The following HIVEP2 variants were observed in gnomAD, a reference collection of about 807,000 sequenced individuals.
HIVEP2 encodes transcription factor HIVEP2.
In HIVEP2, 14 loss-of-function variants were observed where a neutral mutation model predicts 180.7. The ratio of observed to expected loss-of-function variants is 0.08; its 90% CI spans 0.05 to 0.12. The LOEUF is 0.12. HIVEP2 is among the 10% of genes least tolerant of loss of function. The pLI, the probability that HIVEP2 is intolerant of heterozygous loss-of-function variation, is 1.00. For synonymous variants in HIVEP2, 1,184 were observed against 1,136.4 expected, an observed-to-expected ratio of 1.04 and a Z score of -0.84; for missense variants, 2,579 against 3,008.5, an observed-to-expected ratio of 0.86 and a Z score of 3.34.
chr6:142,915,834 C>G (rs1215425788), intron 1 of HIVEP2, among the ~76,000 whole-genome samples: 1 of 152,190 alleles, frequency 6.6e-6, no homozygotes, highest in Non-Finnish European at 1.5e-5. Context: ...ACCCCTTCCT[C>G]CAGACTCCTA....
At chr6:142,924,450 AC>A (rs1186219372) in intron 1 of HIVEP2, among the ~76,000 whole-genome samples, 1 of 152,174 alleles carries the variant, frequency 6.6e-6, no homozygotes, top group Non-Finnish European at 1.5e-5. Context: ...ACAGTAGACA[AC>A]CAATTCTTTC....
chr6:142,796,871 G>T (rs1246949775), intron 2 of HIVEP2, among the ~76,000 whole-genome samples: 2 of 152,144 alleles, frequency 1.3e-5, no homozygotes, highest in African/African-American at 2.4e-5. Context: ...GTGGATGCTT[G>T]CAACACTTGA....
At chr6:142,859,615 T>C (rs76246286) in intron 1 of HIVEP2, among the ~76,000 whole-genome samples, 26,975 of 151,670 alleles carry the variant, frequency 0.18, 2,581 homozygotes, top group South Asian at 0.22. Context: ...GGGTGGATCA[T>C]CTGAGGTCAG....
intron 1 of HIVEP2, among the ~76,000 whole-genome samples, chr6:142,899,057 G>C (rs73777822): frequency 7.8e-4 from 118 of 152,240 alleles, no homozygotes; most frequent in African/African-American, 2.8e-3. Flanking sequence ...TTGCCTGCAG[G>C]ACAGAGTTCA....
chr6:142,769,959 G>T lies in HIVEP2; in HGVS notation c.4780C>A (p.Leu1594Met). 6.2e-7 allele frequency: 1 copy of T among 1,614,028 alleles called. No individual in the cohort carries two copies. Among genetic ancestry groups the T allele is most frequent in the Non-Finnish European group, 8.5e-7 (1 of 1,180,032 alleles). Residue 1594 changes from leucine (L) to methionine (M), a missense_variant, in exon 5 of 10, where the codon CTG becomes ATG. Coordinates refer to ENST00000367603, the MANE Select transcript of HIVEP2 (RefSeq NM_006734.4). ...TTGTGGCCCTTCCCTTCCTCTTCCA[G>T]CTGACCATCTCCTGCTGGTAATGAA... is the stretch of plus-strand genomic sequence containing the variant. ...SSSLPAGDGQ[L>M]EEEGKGHKRP... is the part of the protein sequence containing the mutation.
chr6:142,793,273 T>C (rs1776184976), intron 2 of HIVEP2, among the ~76,000 whole-genome samples: 1 of 152,204 alleles, frequency 6.6e-6, no homozygotes, highest in South Asian at 2.1e-4. Context: ...CTCATAATTC[T>C]ACATAACTAC....
intron 2 of HIVEP2, among the ~76,000 whole-genome samples, chr6:142,830,664 T>C (rs1775053640): frequency 6.6e-6 from 1 of 152,190 alleles, no homozygotes. Flanking sequence ...TAAAGTACTA[T>C]AAAATACATG....
intron 1 of HIVEP2, among the ~76,000 whole-genome samples, chr6:142,919,702 A>G (rs1241373789): frequency 1.3e-5 from 2 of 152,254 alleles, no homozygotes; most frequent in African/African-American, 4.8e-5. Context: ...GATGTAATAT[A>G]CATTATCTAT....
At chr6:142,913,838 C>T (rs34431998) in intron 1 of HIVEP2, among the ~76,000 whole-genome samples, 9,431 of 152,300 alleles carry the variant, frequency 0.062, 388 homozygotes, top group Middle Eastern at 0.11. Context: ...TCATCGTCAA[C>T]ATTCCAGATT....
At chr6:142,819,064 G>GGGAA (rs1421821537) in intron 2 of HIVEP2, among the ~76,000 whole-genome samples, 1 of 150,752 alleles carries the variant, frequency 6.6e-6, no homozygotes, top group Non-Finnish European at 1.5e-5. Flanking sequence ...GCGGGAAGGA[G>GGGAA]GGAAGGAAGG....
intron 1 of HIVEP2, among the ~76,000 whole-genome samples, chr6:142,866,577 T>G (rs1776144129): frequency 6.6e-6 from 1 of 152,178 alleles, no homozygotes; most frequent in African/African-American, 2.4e-5. Flanking sequence ...CCTTTAATTT[T>G]AAGTTTCTAT....
chr6:142,900,708 G>A (rs1392102008), intron 1 of HIVEP2, among the ~76,000 whole-genome samples: 1 of 152,168 alleles, frequency 6.6e-6, no homozygotes, highest in Non-Finnish European at 1.5e-5. Flanking sequence ...GAAGGGAGGT[G>A]GGTGATGGCG....
intron 2 of HIVEP2, among the ~76,000 whole-genome samples, chr6:142,818,733 A>AAAG (rs1462347393): frequency 0.035 from 1,423 of 41,192 alleles, 13 homozygotes; most frequent in Admixed American, 0.056. Flanking sequence ...AGAAAGAAAG[A>AAAG]AAAGAAAGAA....
chr6:142,932,679 C>G (rs949409795), intron 1 of HIVEP2, among the ~76,000 whole-genome samples: 1 of 152,170 alleles, frequency 6.6e-6, no homozygotes, highest in Non-Finnish European at 1.5e-5. Context: ...TAAACTTGTT[C>G]TAGATAGCTG....
intron 1 of HIVEP2, among the ~76,000 whole-genome samples, chr6:142,860,683 C>T (rs931557519): frequency 6.6e-6 from 1 of 152,170 alleles, no homozygotes; most frequent in African/African-American, 2.4e-5. Context: ...CTGTGAGAAT[C>T]TCATGCCACT....
Position 142,882,489 on chromosome 6 carries a change from C to T in HIVEP2, c.-640-45442G>A, listed in dbSNP as rs368475154. ...AATAGCCGGGAGTGGTAGTGAGCAC[C>T]TGTAGTCCTAGCTACTTAGGAGGCT... On this transcript the variant is annotated intron_variant, in intron 1 of 9. Transcript: ENST00000367603. Among the ~76,000 whole-genome samples the T allele has an allele frequency of 3.9e-5, 6 of 151,986 alleles. No individual in the cohort carries two copies. The East Asian group carries it at 1.2e-3, about 29-fold the overall frequency.
chr6:142,830,981 G>A (rs572073068), intron 2 of HIVEP2, among the ~76,000 whole-genome samples: 19 of 152,058 alleles, frequency 1.2e-4, no homozygotes, highest in Non-Finnish European at 2.5e-4. Context: ...CTCTCACACC[G>A]GTCTGATCTC....
chr6:142,782,477 G>C (rs1032979679), intron 3 of HIVEP2, among the ~76,000 whole-genome samples: 18 of 152,164 alleles, frequency 1.2e-4, no homozygotes, highest in African/African-American at 4.3e-4. Context: ...CCAGAGTCCA[G>C]CTGAATAAAG....
Position 142,759,795 on chromosome 6 carries a change from C to G in HIVEP2, c.6493G>C (p.Glu2165Gln). 3 of 1,605,944 alleles carry G rather than the reference C, an allele frequency of 1.9e-6. No homozygotes were observed. Among genetic ancestry groups the G allele is most frequent in the Non-Finnish European group, 2.5e-6 (3 of 1,177,468 alleles). The change falls in exon 9 of 10, where the codon GAG becomes CAG. Residue 2165 changes from glutamate to glutamine, a missense_variant. Around this residue, in one of 11 missense-constraint regions of HIVEP2, gnomAD observed 660 missense variants for 731.7 expected, o/e 0.90. Coordinates refer to ENST00000367603, the MANE Select transcript of HIVEP2 (RefSeq NM_006734.4). ...PLSMGQYLQA[E>Q]PIVLGPPNLR... is the part of the protein sequence containing the mutation. Reference sequence around the variant, plus strand: ...ACAGGAGGCCCCAATACAATTGGCTCTGCTTGCAAATACTGTCCCATGGAC... The same window carrying G: ...ACAGGAGGCCCCAATACAATTGGCTGTGCTTGCAAATACTGTCCCATGGAC...
Sources: allele counts gnomAD v4.1 joint callset (sites outside exome capture counted in the v4.1 genomes callset), GRCh38; gene constraint gnomAD v4.1.1; regional missense constraint gnomAD v4.1.1; transcripts MANE v1.5; gene names NCBI Gene and HGNC (gene_info 2026-07-23, HGNC 2026-07-21).